The following CHAF1A variants were observed in gnomAD, a reference collection of about 807,000 sequenced individuals.
CHAF1A encodes the protein chromatin assembly factor 1 subunit A, also known as CAF-1 subunit A.
A neutral mutation model predicts 93.2 loss-of-function variants in CHAF1A; 5 were observed. That is an observed-to-expected ratio of 0.05 (90% confidence interval 0.03 to 0.11). CHAF1A has a LOEUF of 0.11. Ranked by LOEUF, CHAF1A falls within the 10% of genes least tolerant of loss-of-function variation. The probability of loss-of-function intolerance (pLI) is 1.00; values close to 1 mark genes in which losing one functional copy is unlikely to be tolerated. For synonymous variants in CHAF1A, 504 were observed against 510.3 expected (o/e 0.99, Z 0.17); for missense variants, 1,102 against 1,259.9 (o/e 0.87, Z 1.90).
rs1386629995 is a variant in CHAF1A at position 4,423,347 on chromosome 19, G to A, written c.1260G>A (p.Glu420=). 6.2e-7 allele frequency: 1 copy of A among 1,613,738 alleles called. No homozygotes were observed. The highest frequency in any genetic ancestry group is 2.2e-5 in the East Asian group (1 of 44,874). ...ERQEALEAKL[E]EKRKKEEEKR... is the part of the protein sequence containing the mutation. ...TGCTGTCTCACAGGGCTAAACTTGA[G>A]GAAAAAAGGAAAAAGGAAGAAGAGA... Residue 420 remains glutamate (E), a synonymous_variant, in exon 6 of 15, where the codon GAG becomes GAA. Transcript: ENST00000301280.
chr19:4,429,854 A>G (rs1401401996), intron 10 of CHAF1A, 66 bp downstream of exon 10: 3 of 1,402,860 alleles, frequency 2.1e-6, no homozygotes, highest in Admixed American at 3.7e-5. Context: ...TCCCACAGTG[A>G]GGGGCTAAGG....
At chr19:4,404,242 A>T (rs570547846) in intron 1 of CHAF1A, among the ~76,000 whole-genome samples, 1 of 152,250 alleles carries the variant, frequency 6.6e-6, no homozygotes, top group South Asian at 2.1e-4. Context: ...AAGAGCAGTT[A>T]GTAACTTTAT....
rs1599632418 is a variant in CHAF1A at position 4,402,700 on chromosome 19, C to T, written c.-63C>T. On this transcript the variant is annotated 5_prime_UTR_variant, in exon 1 of 15. Transcript: ENST00000301280. ...GCGCGGGCGGGAGGGCGAAGAGCAG[C>T]GGCCGCCTGAGGGGAGCCCGCGCCT... is the stretch of plus-strand genomic sequence containing the variant. 2 of 1,067,240 alleles carry T rather than the reference C, an allele frequency of 1.9e-6. No homozygotes were observed. The highest frequency in any genetic ancestry group is 2.4e-6 in the Non-Finnish European group (2 of 848,340). 66.1% of individuals were successfully genotyped at this position (1,067,240 alleles called of 1,614,324 possible). A position where few individuals can be genotyped will look rare whatever the true frequency, so the allele number is the denominator to read the frequency against.
intron 2 of CHAF1A, among the ~76,000 whole-genome samples, chr19:4,406,853 A>G (rs1197360145): frequency 2.0e-5 from 3 of 152,090 alleles, no homozygotes; most frequent in Non-Finnish European, 4.4e-5. Flanking sequence ...TGAGTCCAGG[A>G]GTTCAAGGCT....
Position 4,422,887 on chromosome 19 carries a change from A to G in CHAF1A, c.1247+92A>G. ...GATGGGGCCTTTCCACTTCACAGGC[A>G]GATGGCGGCTCCCTTCAGTTCCTTC... On this transcript the variant is annotated intron_variant, in intron 5 of 14. Transcript: ENST00000301280. The surrounding 1 kb of genome is among the most constrained non-coding windows in gnomAD (Gnocchi z 4.6). The G allele has an allele frequency of 1.7e-6, 2 of 1,200,006 alleles. No individual in the cohort carries two copies. The highest frequency in any genetic ancestry group is 2.4e-6 in the Non-Finnish European group (2 of 839,036). 74.3% of individuals were successfully genotyped at this position (1,200,006 alleles called of 1,614,324 possible). A position where few individuals can be genotyped will look rare whatever the true frequency, so the allele number is the denominator to read the frequency against.
chr19:4,447,862 C>T (rs1974570484), downstream of CHAF1A: 2 of 560,668 alleles, frequency 3.6e-6, no homozygotes, highest in South Asian at 3.9e-5. Flanking sequence ...ACCGTCCCAC[C>T]AGCCCTGGAA....
chr19:4,433,458 C>T lies in CHAF1A; in HGVS notation c.2592C>T (p.Gly864=). The T allele has an allele frequency of 6.2e-7, 1 of 1,604,300 alleles. No homozygotes were observed. Among genetic ancestry groups the T allele is most frequent in the Non-Finnish European group, 8.5e-7 (1 of 1,172,180 alleles). ...GSVPSTGPSQ[G]TPISLKRKSA... ...TCCCCTCCACGGGGCCCAGCCAGGG[C>T]ACTCCCATCTCGCTGAAGAGGAAGT... Residue 864 remains glycine, a synonymous_variant, in exon 13 of 15, where the codon GGC becomes GGT. Coordinates refer to ENST00000301280, the MANE Select transcript of CHAF1A (RefSeq NM_005483.3). This position sits in a 1 kb window ranked among gnomAD's most constrained non-coding sequence, Gnocchi z 5.6.
At chr19:4,437,436 A>C (rs1974305553) in intron 13 of CHAF1A, among the ~76,000 whole-genome samples, 1 of 151,712 alleles carries the variant, frequency 6.6e-6, no homozygotes, top group Non-Finnish European at 1.5e-5. Flanking sequence ...CGCAGCCTCC[A>C]CTCCTGGGCG....
In CHAF1A at chr19:4,408,998, G is replaced by T; in HGVS notation, c.199G>T (p.Asp67Tyr). 6.2e-7 allele frequency: 1 copy of T among 1,614,168 alleles called. No homozygotes were observed. The highest frequency in any genetic ancestry group is 8.5e-7 in the Non-Finnish European group (1 of 1,180,016). Residue 67 changes from aspartate (D) to tyrosine (Y), a missense_variant, in exon 3 of 15, where the codon GAT becomes TAT. Transcript: ENST00000301280. ...QGTSVQSKSP[D>Y]LEASLDTLEN... ...TACTTCTGTGCAAAGTAAAAGCCCCGATTTAGAGGCCTCTTTGGACACCTT... is the reference window on the plus strand; with the variant it reads ...TACTTCTGTGCAAAGTAAAAGCCCCTATTTAGAGGCCTCTTTGGACACCTT...
chr19:4,410,267 G>A (rs1973769242), intron 3 of CHAF1A, among the ~76,000 whole-genome samples: 1 of 152,070 alleles, frequency 6.6e-6, no homozygotes, highest in Non-Finnish European at 1.5e-5. Context: ...CTGGGGCCAG[G>A]CACAGTGGCT....
At chr19:4,435,761 G>A (rs1000438880) in intron 13 of CHAF1A, among the ~76,000 whole-genome samples, 6 of 152,190 alleles carry the variant, frequency 3.9e-5, no homozygotes, top group Non-Finnish European at 8.8e-5. Context: ...ATCTGATGGA[G>A]TTACAGGTTT....
rs1200698303 is a variant in CHAF1A, at chr19:4,403,667, C to T, written c.52+853C>T. On this transcript the variant is annotated intron_variant, in intron 1 of 14. Coordinates refer to ENST00000301280, the MANE Select transcript of CHAF1A (RefSeq NM_005483.3). ...CCGCCTTTTGCAGGCCAGTAGCAGC[C>T]CCTCTCACCATGCCTTAGTAACAGC... Among the ~76,000 whole-genome samples the T allele has an allele frequency of 3.9e-5, 6 of 152,254 alleles. No individual in the cohort carries two copies. In the East Asian group the frequency reaches 1.2e-3, roughly 29 times the overall value.
At chr19:4,412,472 A>T (rs1378397715) in intron 3 of CHAF1A, among the ~76,000 whole-genome samples, 2 of 152,150 alleles carry the variant, frequency 1.3e-5, no homozygotes, top group East Asian at 3.9e-4. Context: ...TGAACCCAGG[A>T]GGCAGAGGTT....
At chr19:4,444,621 C>T (rs561242510), downstream of CHAF1A, 10 of 152,450 alleles carry the variant, frequency 6.6e-5, no homozygotes, top group African/African-American at 2.4e-4. Context: ...CCCGGACCAC[C>T]CAGGATCATC....
downstream of CHAF1A, chr19:4,447,805 C>A: frequency 3.2e-6 from 2 of 627,660 alleles, no homozygotes; most frequent in Non-Finnish European, 5.7e-6. Context: ...CTCGGACACC[C>A]CATGGAGCCC....
At chr19:4,446,823 C>T (rs1461627200), downstream of CHAF1A, 1 of 1,614,040 alleles carries the variant, frequency 6.2e-7, no homozygotes, top group Non-Finnish European at 8.5e-7. Context: ...TCAGCCAGGC[C>T]CTGTCCACTT....
intron 1 of CHAF1A, among the ~76,000 whole-genome samples, chr19:4,404,278 A>G (rs1401178658): frequency 6.6e-6 from 1 of 152,230 alleles, no homozygotes; most frequent in Non-Finnish European, 1.5e-5. Flanking sequence ...AATCGTGTGT[A>G]TCTTTGGATC....
intron 3 of CHAF1A, among the ~76,000 whole-genome samples, chr19:4,413,950 T>TTTAGCCTCTTCTG (rs1287593732): frequency 6.6e-6 from 1 of 152,226 alleles, no homozygotes; most frequent in Admixed American, 6.5e-5. Flanking sequence ...AGACTTGTGA[T>TTTAGCCTCTTCTG]TTAGCCTCTT....
At chr19:4,442,110 G>T in intron 13 of CHAF1A, 135 bp from the exon 14 acceptor site, 1 of 685,762 alleles carries the variant, frequency 1.5e-6, no homozygotes, top group East Asian at 2.6e-5. Context: ...ACCAAATTGG[G>T]TTCTGGATGT....
Sources: gnomAD v4.1 joint callset for allele counts (sites outside exome capture counted in the v4.1 genomes callset) on GRCh38, gnomAD v4.1.1 for gene constraint, Gnocchi (gnomAD v3.1) non-coding constraint, MANE v1.5 for transcripts, NCBI Gene and HGNC (gene_info 2026-07-23, HGNC 2026-07-21) for gene names.